Variants in NCOA2 observed in about 807,000 individuals in gnomAD.
NCOA2 encodes nuclear receptor coactivator 2.
In NCOA2, 21 loss-of-function variants were observed where a neutral mutation model predicts 145.1. That is an observed-to-expected ratio of 0.14 (90% CI 0.10 to 0.21). The LOEUF (loss-of-function observed/expected upper bound fraction) is 0.21. Ranked by LOEUF, NCOA2 falls within the 10% of genes least tolerant of loss-of-function variation. NCOA2 has a pLI of 1.00. For missense variants in NCOA2, 1,472 were observed against 1,837.6 expected (o/e 0.80, Z 3.64); for synonymous variants, 619 against 637.5 (o/e 0.97, Z 0.44).
At chr8:70,307,288 A>G (rs1281354964) in intron 1 of NCOA2, among the ~76,000 whole-genome samples, 1 of 152,044 alleles carries the variant, frequency 6.6e-6, no homozygotes, top group East Asian at 1.9e-4. Context: ...GTGAAGAAAA[A>G]AAAATTTAAG....
intron 4 of NCOA2, among the ~76,000 whole-genome samples, chr8:70,201,049 CAA>C (rs60951750): frequency 3.1e-4 from 20 of 63,928 alleles, no homozygotes; most frequent in African/African-American, 1.1e-3. Context: ...GACTGTGTCT[CAA>C]AAAAAAAAAA....
chr8:70,173,574 A>C (rs989781472), intron 5 of NCOA2, among the ~76,000 whole-genome samples: 2 of 152,250 alleles, frequency 1.3e-5, no homozygotes, highest in African/African-American at 4.8e-5. Context: ...AAATTGGGTT[A>C]AGTGTGTTTT....
intron 4 of NCOA2, among the ~76,000 whole-genome samples, chr8:70,184,212 T>C (rs1369926440): frequency 6.6e-6 from 1 of 152,216 alleles, no homozygotes; most frequent in Admixed American, 6.5e-5. Context: ...AGGCTTTCTC[T>C]ACACCTGAGC....
At position 70,128,451 on chromosome 8, in the gene NCOA2, C is replaced by A; in HGVS notation, c.3663G>T (p.Arg1221Ser). ...GCCTTACCTGTGTTGGTACTCCAGG[C>A]CTCAGAGTCAAGTTCACATTGGAAA... ...SNVSNVNLTL[R>S]PGVPTQAPIN... The change falls in exon 18 of 23, where the codon AGG becomes AGT. Residue 1221 changes from arginine to serine, a missense_variant. By Grantham distance (110) the Arg-to-Ser change is moderately radical. Transcript: ENST00000452400. 6.2e-7 allele frequency: 1 copy of A among 1,612,610 alleles called. No homozygotes were observed. Among genetic ancestry groups the A allele is most frequent in the Non-Finnish European group, 8.5e-7 (1 of 1,179,394 alleles).
intron 1 of NCOA2, among the ~76,000 whole-genome samples, chr8:70,390,897 C>T (rs563891497): frequency 7.0e-4 from 107 of 152,312 alleles, no homozygotes; most frequent in African/African-American, 2.5e-3. Flanking sequence ...TCTCTGGTGT[C>T]TACTACATAC....
intron 1 of NCOA2, among the ~76,000 whole-genome samples, chr8:70,400,416 A>G (rs1404627738): frequency 1.3e-5 from 2 of 152,104 alleles, no homozygotes; most frequent in Non-Finnish European, 2.9e-5. Flanking sequence ...AGCCATTAGG[A>G]GACTTGGTTC....
intron 10 of NCOA2, among the ~76,000 whole-genome samples, chr8:70,157,778 T>C (rs762226345): frequency 1.5e-4 from 23 of 152,318 alleles, no homozygotes; most frequent in Non-Finnish European, 2.8e-4. Flanking sequence ...TAATAGTTAC[T>C]AAAACTGTTT....
chr8:70,180,946 T>A (rs115682835), intron 4 of NCOA2, among the ~76,000 whole-genome samples: 1,819 of 152,346 alleles, frequency 0.012, 50 homozygotes, highest in African/African-American at 0.042. Context: ...TAGCAAAAAA[T>A]TTATTTTTAA....
intron 1 of NCOA2, among the ~76,000 whole-genome samples, chr8:70,375,290 T>A (rs376325190): frequency 5.9e-5 from 9 of 152,184 alleles, no homozygotes; most frequent in African/African-American, 1.7e-4. Flanking sequence ...GAAAAGATCA[T>A]CCCAGAGGAA....
At chr8:70,183,720 C>G (rs991663823) in intron 4 of NCOA2, among the ~76,000 whole-genome samples, 3 of 152,192 alleles carry the variant, frequency 2.0e-5, no homozygotes, top group African/African-American at 7.2e-5. Flanking sequence ...AAGTTAGGCC[C>G]CTGCCGCCGT....
chr8:70,434,786 G>T, the NCOA2 span, among the ~76,000 whole-genome samples: 3 of 151,924 alleles, frequency 2.0e-5, no homozygotes, highest in African/African-American at 4.8e-5. Flanking sequence ...GCTCAGCCTG[G>T]TCTTGAACTC....
At chr8:70,403,375 G>A (rs1272817551) in intron 1 of NCOA2, among the ~76,000 whole-genome samples, 1 of 151,248 alleles carries the variant, frequency 6.6e-6, no homozygotes, top group Non-Finnish European at 1.5e-5. Context: ...CCCGCCTCGC[G>A]CTCCGGGACT....
intron 1 of NCOA2, among the ~76,000 whole-genome samples, chr8:70,389,367 G>A (rs371643395): frequency 2.0e-5 from 3 of 151,760 alleles, no homozygotes; most frequent in East Asian, 1.9e-4. Flanking sequence ...CGCAACCTCC[G>A]CCTCTGGGGT....
At chr8:70,425,130 CA>C in the NCOA2 span, among the ~76,000 whole-genome samples, 17 of 152,300 alleles carry the variant, frequency 1.1e-4, no homozygotes, top group African/African-American at 4.1e-4. Flanking sequence ...AATACCCTCC[CA>C]AAGCTGGAAT....
intron 4 of NCOA2, among the ~76,000 whole-genome samples, chr8:70,190,354 C>T (rs1167270707): frequency 6.6e-6 from 1 of 152,134 alleles, no homozygotes; most frequent in Non-Finnish European, 1.5e-5. Flanking sequence ...ACTATCTGTC[C>T]TTTCTAAAGA....
At chr8:70,287,214 G>C (rs559128379) in intron 2 of NCOA2, among the ~76,000 whole-genome samples, 2 of 151,950 alleles carry the variant, frequency 1.3e-5, no homozygotes, top group Admixed American at 1.3e-4. Flanking sequence ...ACTGCACTTC[G>C]GCCTGGGTGA....
At chr8:70,302,527 A>G (rs2135858800) in intron 1 of NCOA2, among the ~76,000 whole-genome samples, 1 of 152,298 alleles carries the variant, frequency 6.6e-6, no homozygotes, top group Non-Finnish European at 1.5e-5. Context: ...AATCATGGCA[A>G]AACTCCCTTA....
chr8:70,357,767 G>A (rs1809854299), intron 1 of NCOA2, among the ~76,000 whole-genome samples: 1 of 150,956 alleles, frequency 6.6e-6, no homozygotes, highest in East Asian at 2.0e-4. Context: ...GTGGGGGGAA[G>A]ATGCCGAGCA....
chr8:70,428,825 T>G, the NCOA2 span, among the ~76,000 whole-genome samples: 1 of 151,102 alleles, frequency 6.6e-6, no homozygotes, highest in Non-Finnish European at 1.5e-5. Context: ...ATATGCCCTC[T>G]GTGTGGCAAT....
Sources: gnomAD v4.1 joint callset for allele counts (sites outside exome capture counted in the v4.1 genomes callset) on GRCh38, gnomAD v4.1.1 for gene constraint, MANE v1.5 for transcripts, NCBI Gene and HGNC (gene_info 2026-07-23, HGNC 2026-07-21) for gene names.